STX8: variants seen among roughly 807,000 people sequenced by gnomAD.
STX8 encodes syntaxin 8.
Under a neutral mutation model 37.5 loss-of-function variants are expected in STX8, and 23 were observed. The ratio of observed to expected loss-of-function variants is 0.61; its 90% CI spans 0.44 to 0.87. The LOEUF is 0.87. Ranked by LOEUF, STX8 falls within the 40% of genes least tolerant of loss-of-function variation. The pLI, the probability that STX8 is intolerant of heterozygous loss-of-function variation, is 0.00. For missense variants in STX8, 313 were observed against 284.7 expected (o/e 1.10, Z -0.71); for synonymous variants, 115 against 99.1 (o/e 1.16, Z -0.95).
At chr17:9,536,613 A>AC (rs1291187630) in intron 4 of STX8, among the ~76,000 whole-genome samples, 3 of 152,126 alleles carry the variant, frequency 2.0e-5, no homozygotes, top group Non-Finnish European at 4.4e-5. Context: ...TGCTGAAGAA[A>AC]CAACCTTCCC....
intron 7 of STX8, among the ~76,000 whole-genome samples, chr17:9,353,880 A>G (rs1486801034): frequency 6.6e-6 from 1 of 152,198 alleles, no homozygotes; most frequent in Non-Finnish European, 1.5e-5. Context: ...TTTAACAACT[A>G]TTTTATCAAA....
chr17:9,250,784 G>A lies in STX8; in HGVS notation c.644-139C>T, dbSNP rs923260051. ...TTGTACGAAGTGGAGAGAGGTGGTC[G>A]GTGGCCTGGGGCGCCGCTGCTGCTA... On this transcript the variant is annotated intron_variant, in intron 7 of 7. Transcript: ENST00000306357. 6.6e-5 allele frequency: 57 copies of A among 865,686 alleles called. 1 individual carries two copies. The Middle Eastern group carries it at 2.1e-3, about 32-fold the overall frequency. 53.6% of individuals were successfully genotyped at this position (865,686 alleles called of 1,614,324 possible). A position where few individuals can be genotyped will look rare whatever the true frequency, so the allele number is the denominator to read the frequency against.
At chr17:9,519,762 T>G (rs1188027556) in intron 4 of STX8, among the ~76,000 whole-genome samples, 1 of 151,418 alleles carries the variant, frequency 6.6e-6, no homozygotes, top group Non-Finnish European at 1.5e-5. Context: ...AGGCAAAACT[T>G]TCACACTCTC....
intron 6 of STX8, among the ~76,000 whole-genome samples, chr17:9,488,251 G>A (rs1009995105): frequency 1.1e-4 from 16 of 151,688 alleles, no homozygotes; most frequent in African/African-American, 2.9e-4. Flanking sequence ...GCTTGAACCC[G>A]GGAGATGGAG....
chr17:9,353,580 T>C (rs997371843), intron 7 of STX8, among the ~76,000 whole-genome samples: 2 of 152,170 alleles, frequency 1.3e-5, no homozygotes, highest in African/African-American at 4.8e-5. Context: ...TAGTTCCCAA[T>C]AACATCAATA....
At chr17:9,418,058 T>C (rs1913262279) in intron 6 of STX8, among the ~76,000 whole-genome samples, 1 of 152,198 alleles carries the variant, frequency 6.6e-6, no homozygotes, top group Non-Finnish European at 1.5e-5. Flanking sequence ...CTCCAGTTTG[T>C]AGCCACGTTG....
Position 9,507,438 on chromosome 17 carries a change from G to A in STX8, c.324-2276C>T, listed in dbSNP as rs1471453402. On this transcript the variant is annotated intron_variant, in intron 4 of 7. Transcript: ENST00000306357. The surrounding 1 kb of genome is among the most constrained non-coding windows in gnomAD (Gnocchi z 4.0). ...GGCCACTCCTGGCAGACATGCCCCCGGGGCCATCAAGCAGACTTATGCCCA... is the reference window on the plus strand; with the variant it reads ...GGCCACTCCTGGCAGACATGCCCCCAGGGCCATCAAGCAGACTTATGCCCA... 4.6e-5 allele frequency among the ~76,000 whole-genome samples: 7 copies of A among 152,166 alleles called. No homozygotes were observed. The highest frequency in any genetic ancestry group is 1.9e-4 in the East Asian group (1 of 5,190).
intron 7 of STX8, among the ~76,000 whole-genome samples, chr17:9,337,193 AAAATT>A (rs1265245474): frequency 2.6e-5 from 4 of 152,222 alleles, no homozygotes; most frequent in African/African-American, 9.6e-5. Flanking sequence ...TTGAAGCACA[AAAATT>A]AAAGAGAAAA....
Position 9,420,416 on chromosome 17 carries a change from G to A in STX8, c.542-41763C>T, listed in dbSNP as rs145053739. 1.3e-4 allele frequency among the ~76,000 whole-genome samples: 20 copies of A among 152,128 alleles called. 1 individual carries two copies. The East Asian group carries it at 3.9e-3, about 29-fold the overall frequency. ...CTTCGACCAGTAACCTTACCTATAG[G>A]TGCCTATCAGTTCCATTCTAAATGT... On this transcript the variant is annotated intron_variant, in intron 6 of 7. Coordinates refer to ENST00000306357, the MANE Select transcript of STX8 (RefSeq NM_004853.3).
intron 7 of STX8, among the ~76,000 whole-genome samples, chr17:9,344,313 T>G (rs1057143424): frequency 1.3e-5 from 2 of 151,690 alleles, no homozygotes; most frequent in Admixed American, 6.6e-5. Flanking sequence ...CAGGCTGTCA[T>G]GCAATGTCGT....
intron 7 of STX8, among the ~76,000 whole-genome samples, chr17:9,324,112 TCTCTCTCTCTCTCTCA>T (rs1909670255): frequency 7.7e-6 from 1 of 129,672 alleles, no homozygotes; most frequent in African/African-American, 3.0e-5. Context: ...TCTCTCTGTC[TCTCTCTCTCTCTCTCA>T]CACACACACA....
intron 6 of STX8, among the ~76,000 whole-genome samples, chr17:9,458,615 G>C (rs1476479948): frequency 2.6e-5 from 4 of 152,118 alleles, no homozygotes; most frequent in Admixed American, 2.0e-4. Flanking sequence ...TTCTAACTTC[G>C]AGTTTGCTCT....
chr17:9,341,874 A>G (rs1308368029), intron 7 of STX8, among the ~76,000 whole-genome samples: 1 of 152,202 alleles, frequency 6.6e-6, no homozygotes, highest in African/African-American at 2.4e-5. Flanking sequence ...GTTTGGCTAT[A>G]GTGGGAGGTT....
chr17:9,543,218 G>A (rs564224217), intron 4 of STX8, among the ~76,000 whole-genome samples: 8 of 151,830 alleles, frequency 5.3e-5, no homozygotes, highest in South Asian at 2.1e-4. Flanking sequence ...CAAGCTCCCC[G>A]TCCTACCTAT....
chr17:9,481,106 A>G (rs1359480688), intron 6 of STX8, among the ~76,000 whole-genome samples: 1 of 152,098 alleles, frequency 6.6e-6, no homozygotes, highest in Non-Finnish European at 1.5e-5. Context: ...GATGGTCTCT[A>G]TCTCCTGACC....
At chr17:9,489,422 G>A (rs1366162941) in intron 6 of STX8, among the ~76,000 whole-genome samples, 2 of 152,112 alleles carry the variant, frequency 1.3e-5, no homozygotes, top group South Asian at 4.1e-4. Context: ...AAAGACGTGC[G>A]GCTTGATTGC....
At chr17:9,301,902 G>A (rs944314715) in intron 7 of STX8, among the ~76,000 whole-genome samples, 2 of 152,198 alleles carry the variant, frequency 1.3e-5, no homozygotes, top group African/African-American at 2.4e-5. Flanking sequence ...GTAAGTAAAT[G>A]TTATCTTTGT....
At chr17:9,474,614 A>G (rs1906022104) in intron 6 of STX8, among the ~76,000 whole-genome samples, 1 of 152,224 alleles carries the variant, frequency 6.6e-6, no homozygotes, top group African/African-American at 2.4e-5. Flanking sequence ...AGACTGTTCT[A>G]ACTTCAGATA....
intron 6 of STX8, among the ~76,000 whole-genome samples, chr17:9,471,588 G>A (rs1261416114): frequency 1.3e-5 from 2 of 152,150 alleles, no homozygotes; most frequent in Admixed American, 1.3e-4. Flanking sequence ...TCAATGCTCT[G>A]TTTCATTAAC....
Sources: allele counts gnomAD v4.1 joint callset (sites outside exome capture counted in the v4.1 genomes callset), GRCh38; gene constraint gnomAD v4.1.1; non-coding constraint Gnocchi (gnomAD v3.1); transcripts MANE v1.5; gene names NCBI Gene and HGNC (gene_info 2026-07-23, HGNC 2026-07-21).